The following LGI2 variants were observed in gnomAD, a reference collection of about 807,000 sequenced individuals.
LGI2 encodes leucine rich repeat LGI family member 2.
Under a neutral mutation model 52.0 loss-of-function variants are expected in LGI2, and 30 were observed. The observed-to-expected ratio is 0.58, with a 90% CI of 0.43 to 0.78. The LOEUF is 0.78. Ranked by LOEUF, LGI2 falls within the 30% of genes least tolerant of loss-of-function variation. LGI2 has a pLI of 0.00. For missense variants in LGI2, 573 were observed against 692.5 expected, an observed-to-expected ratio of 0.83 and a Z score of 1.94; for synonymous variants, 270 against 271.8, an observed-to-expected ratio of 0.99 and a Z score of 0.06.
At chr4:25,021,746 A>C (rs573610423) in intron 4 of LGI2, among the ~76,000 whole-genome samples, 1 of 152,180 alleles carries the variant, frequency 6.6e-6, no homozygotes, top group East Asian at 1.9e-4. Flanking sequence ...CCTGGCTAAC[A>C]CGGTGAAACG....
chr4:24,993,772 C>T, the LGI2 span, among the ~76,000 whole-genome samples: 1 of 152,160 alleles, frequency 6.6e-6, no homozygotes, highest in African/African-American at 2.4e-5. Flanking sequence ...TAGAAAGAGC[C>T]AGGCTAGAAC....
chr4:24,995,223 G>GTGT (rs1433822230), downstream of LGI2, among the ~76,000 whole-genome samples: 2 of 152,198 alleles, frequency 1.3e-5, no homozygotes, highest in African/African-American at 2.4e-5. Flanking sequence ...GTATGTGGAT[G>GTGT]TGTTGGTTCT....
At chr4:25,017,854 A>T (rs73804970) in intron 6 of LGI2, 135 bp downstream of exon 6, 1 of 785,350 alleles carries the variant, frequency 1.3e-6, no homozygotes, top group East Asian at 3.0e-5. Context: ...TTTCTTTAGA[A>T]TGTTTAAAAT....
chr4:25,003,925 G>A lies in LGI2; in HGVS notation c.1164C>T (p.Ile388=). The A allele has an allele frequency of 6.2e-7, 1 of 1,614,170 alleles. No homozygotes were observed. Among genetic ancestry groups the A allele is most frequent in the South Asian group, 1.1e-5 (1 of 91,078 alleles). Residue 388 remains isoleucine (I), a synonymous_variant, in exon 8 of 8, where the codon ATC becomes ATT. Transcript: ENST00000382114. The stretch of plus-strand genomic sequence containing the variant: ...TGGGGACCTGGGAGCGGCTGGACAG[G>A]ATGAGATGCGATTTTCCATCGATAT... ...FVDIDGKSHL[I]LSSRSQVPII... is the part of the protein sequence containing the mutation.
Position 25,001,954 on chromosome 4 carries a change from C to G in LGI2, c.*1497G>C, listed in dbSNP as rs1278754016. 1 of 152,222 alleles carries G rather than the reference C, an allele frequency of 6.6e-6. No homozygotes were observed. Among genetic ancestry groups the G allele is most frequent in the Non-Finnish European group, 1.5e-5 (1 of 68,052 alleles). 9.4% of individuals were successfully genotyped at this position (152,222 alleles called of 1,614,324 possible). ...GGCTAGGAATGAAGTTGTTGGGTTT[C>G]TCTTTCAGAGCTACCCCTAAAGGCA... is the stretch of plus-strand genomic sequence containing the variant. On this transcript the variant is annotated 3_prime_UTR_variant, in exon 8 of 8. Transcript: ENST00000382114.
Position 25,013,905 on chromosome 4 carries a change from C to T in LGI2, c.656-1406G>A, listed in dbSNP as rs190595439. On this transcript the variant is annotated intron_variant, in intron 6 of 7. Coordinates refer to ENST00000382114, the MANE Select transcript of LGI2 (RefSeq NM_018176.4). ...CTCCTGTTGGCACTAGCAGTGCCAA[C>T]AGTGTAGAAGCCAGAAAGCGTGTGT... Among the ~76,000 whole-genome samples, 165 of 152,274 alleles carry T rather than the reference C, an allele frequency of 1.1e-3. 1 individual carries two copies. In the Middle Eastern group the frequency reaches 0.031, roughly 28 times the overall value.
intron 2 of LGI2, 33 bp from the exon 3 acceptor site, chr4:25,026,972 T>C (rs1300513367): frequency 1.1e-5 from 16 of 1,518,872 alleles, no homozygotes; most frequent in Non-Finnish European, 1.5e-5. Flanking sequence ...AATGGAGAGA[T>C]GTAAAACTTG....
chr4:25,029,683 C>T (rs943141946), intron 1 of LGI2, among the ~76,000 whole-genome samples: 1 of 152,212 alleles, frequency 6.6e-6, no homozygotes, highest in South Asian at 2.1e-4. Context: ...AGGTGGATAC[C>T]TAATGTGAAG....
At chr4:25,028,834 G>C (rs1476598102) in intron 1 of LGI2, among the ~76,000 whole-genome samples, 1 of 152,154 alleles carries the variant, frequency 6.6e-6, no homozygotes, top group Non-Finnish European at 1.5e-5. Flanking sequence ...ACATTATCTC[G>C]GTCAGTTTAA....
downstream of LGI2, among the ~76,000 whole-genome samples, chr4:24,996,509 A>T (rs934121301): frequency 1.3e-5 from 2 of 152,252 alleles, no homozygotes; most frequent in Admixed American, 1.3e-4. Context: ...TAAGAGAAAT[A>T]AAAGCAGGAG....
rs535867610 is a variant in LGI2 at position 25,015,018 on chromosome 4, T to A, written c.656-2519A>T. Among the ~76,000 whole-genome samples the A allele has an allele frequency of 2.5e-4, 38 of 152,266 alleles. 1 individual carries two copies. In the South Asian group the frequency reaches 7.7e-3, roughly 31 times the overall value. ...TGGAAAGATCTCAGAAATACACATA[T>A]TGATGTGACATCAATTTACTAGTGT... On this transcript the variant is annotated intron_variant, in intron 6 of 7. Transcript: ENST00000382114.
chr4:25,028,425 T>TGATACCAAA, intron 2 of LGI2, 82 bp downstream of exon 2: 1 of 1,290,154 alleles, frequency 7.8e-7, no homozygotes, highest in Admixed American at 1.8e-5. Flanking sequence ...TAGGAAGGGC[T>TGATACCAAA]GATACCAAAG....
At chr4:25,009,664 C>T (rs998300912) in intron 7 of LGI2, among the ~76,000 whole-genome samples, 1 of 152,086 alleles carries the variant, frequency 6.6e-6, no homozygotes, top group Non-Finnish European at 1.5e-5. Flanking sequence ...GAGATGGAGT[C>T]TCACTCTGTC....
At position 25,002,679 on chromosome 4, in the gene LGI2, T is replaced by C. The variant is rs1488605040; in HGVS notation, c.*772A>G. 1 of 152,660 alleles carries C rather than the reference T, an allele frequency of 6.6e-6. No individual in the cohort carries two copies. The highest frequency in any genetic ancestry group is 1.5e-5 in the Non-Finnish European group (1 of 68,058). The allele number at this position is 152,660 out of a possible 1,614,324, so 9.5% of individuals were successfully genotyped here. On this transcript the variant is annotated 3_prime_UTR_variant, in exon 8 of 8. Coordinates refer to ENST00000382114, the MANE Select transcript of LGI2 (RefSeq NM_018176.4). ...TGGGTTCTGAGAAGCAGATGAGCCA[T>C]GAAGAGCATCAAACAAGCATTACTG...
intron 7 of LGI2, among the ~76,000 whole-genome samples, chr4:25,007,163 T>A (rs1725417888): frequency 6.6e-6 from 1 of 152,244 alleles, no homozygotes; most frequent in Non-Finnish European, 1.5e-5. Flanking sequence ...GCACCATATT[T>A]TACTTAATTA....
Position 25,003,516 on chromosome 4 carries a change from A to C in LGI2, c.1573T>G (p.Phe525Val). ...AVSTDRRDFF[F>V]ASSFKGKTKI... ...GTTTTCCCTTTGAAACTGGATGCAAAAAAGAAATCTCTCCTGTCGGTGGAG... is the reference window on the plus strand; with the variant it reads ...GTTTTCCCTTTGAAACTGGATGCAACAAAGAAATCTCTCCTGTCGGTGGAG... The change falls in exon 8 of 8, where the codon TTT (phenylalanine) becomes GTT (valine). Residue 525 changes from phenylalanine (F) to valine (V), a missense_variant. Physicochemically the swap from Phe to Val is conservative, Grantham distance 50. Transcript: ENST00000382114. 1 of 1,606,684 alleles carries C rather than the reference A, an allele frequency of 6.2e-7. No individual in the cohort carries two copies. The highest frequency in any genetic ancestry group is 8.5e-7 in the Non-Finnish European group (1 of 1,178,416).
chr4:25,010,897 T>C (rs542118260), intron 7 of LGI2, among the ~76,000 whole-genome samples: 40 of 151,570 alleles, frequency 2.6e-4, no homozygotes, highest in African/African-American at 9.2e-4. Context: ...AGCCTGGGCA[T>C]CATAGTGAGA....
chr4:25,028,438 G>T, intron 2 of LGI2, 69 bp downstream of exon 2: 1 of 1,407,488 alleles, frequency 7.1e-7, no homozygotes, highest in Non-Finnish European at 1.0e-6. Context: ...TACCAAAGAG[G>T]CAGAGACGGC....
chr4:25,006,196 G>A (rs2109405508), intron 7 of LGI2, among the ~76,000 whole-genome samples: 1 of 152,180 alleles, frequency 6.6e-6, no homozygotes, highest in South Asian at 2.1e-4. Flanking sequence ...AGAGGCAGGG[G>A]ACCATTTTCC....
Sources: allele counts gnomAD v4.1 joint callset (sites outside exome capture counted in the v4.1 genomes callset), GRCh38; gene constraint gnomAD v4.1.1; transcripts MANE v1.5; gene names NCBI Gene and HGNC (gene_info 2026-07-23, HGNC 2026-07-21).